MANBAL: variants seen among roughly 807,000 people sequenced by gnomAD.
MANBAL encodes mannosidase beta like, also known as protein MANBAL.
In MANBAL, 1 loss-of-function variant was observed where a neutral mutation model predicts 6.4. That is an observed-to-expected ratio of 0.16 (90% CI 0.06 to 0.74). The LOEUF is 0.74. Among genes scored for constraint, MANBAL ranks in the 30% least tolerant of loss-of-function variants. The pLI, the probability that MANBAL is intolerant of heterozygous loss-of-function variation, is 0.78. For synonymous variants in MANBAL, 47 were observed against 45.8 expected, an observed-to-expected ratio of 1.03 and a Z score of -0.10; for missense variants, 100 against 107.8, an observed-to-expected ratio of 0.93 and a Z score of 0.32.
At chr20:37,310,818 C>T (rs566432481) in intron 2 of MANBAL, among the ~76,000 whole-genome samples, 1 of 152,314 alleles carries the variant, frequency 6.6e-6, no homozygotes, top group Admixed American at 6.5e-5. Context: ...AAACTTGAGG[C>T]TCGCTTGAGA....
At chr20:37,289,958 T>C (rs2068826804) in intron 1 of MANBAL, among the ~76,000 whole-genome samples, 1 of 152,224 alleles carries the variant, frequency 6.6e-6, no homozygotes, top group African/African-American at 2.4e-5. Context: ...CCTCATGGCC[T>C]GGTCCGGGCC....
chr20:37,301,047 G>A (rs1363705691), intron 1 of MANBAL, 161 bp from the exon 2 acceptor site: 6 of 277,094 alleles, frequency 2.2e-5, no homozygotes, highest in African/African-American at 6.6e-5. Flanking sequence ...GGAGGCCAAG[G>A]CAAGAGAATC....
chr20:37,291,819 T>C (rs946932408), intron 1 of MANBAL, among the ~76,000 whole-genome samples: 8 of 152,220 alleles, frequency 5.3e-5, no homozygotes, highest in African/African-American at 1.7e-4. Flanking sequence ...TGCTGTCACA[T>C]AAGACATGCC....
At chr20:37,300,914 G>A (rs988208090) in intron 1 of MANBAL, among the ~76,000 whole-genome samples, 5 of 151,912 alleles carry the variant, frequency 3.3e-5, no homozygotes, top group African/African-American at 7.3e-5. Context: ...AGGCTGAGGC[G>A]GGCAGATCAC....
intron 1 of MANBAL, among the ~76,000 whole-genome samples, chr20:37,291,591 G>A (rs2068871121): frequency 6.6e-6 from 1 of 152,130 alleles, no homozygotes; most frequent in African/African-American, 2.4e-5. Flanking sequence ...ATGGGTTTTT[G>A]GGGAGGAGGA....
At position 37,301,413 on chromosome 20, in the gene MANBAL, G is replaced by T; in HGVS notation, c.150G>T (p.Ala50=). ...IIVPIPKSHE[A]EAEPSEPRSA... Reference sequence around the variant, plus strand: ...TACCCATTCCCAAGTCCCACGAGGCGGTGAGTTTTTCCCTGGGAGCCTCAG... The same window carrying T: ...TACCCATTCCCAAGTCCCACGAGGCTGTGAGTTTTTCCCTGGGAGCCTCAG... The change falls in exon 2 of 3, where the codon GCG becomes GCT. Residue 50 remains alanine (A), a splice_region_variant and synonymous_variant. Transcript: ENST00000373606. The T allele has an allele frequency of 6.2e-7, 1 of 1,610,238 alleles. No individual in the cohort carries two copies.
At chr20:37,293,392 C>T (rs960278093) in intron 1 of MANBAL, among the ~76,000 whole-genome samples, 1 of 152,176 alleles carries the variant, frequency 6.6e-6, no homozygotes, top group African/African-American at 2.4e-5. Flanking sequence ...CTCACATGCA[C>T]AGTTCACAAT....
chr20:37,301,637 C>G (rs2069139200), intron 2 of MANBAL, among the ~76,000 whole-genome samples: 1 of 152,228 alleles, frequency 6.6e-6, no homozygotes, highest in South Asian at 2.1e-4. Context: ...ACATTTCAGA[C>G]TCTGCTGAAG....
intron 1 of MANBAL, chr20:37,298,641 C>G (rs2069057947): frequency 6.6e-6 from 1 of 152,060 alleles, no homozygotes; most frequent in Non-Finnish European, 1.5e-5. Context: ...TTTTGCTTAT[C>G]CATTCATCTG....
At chr20:37,302,804 GT>G (rs1382877401) in intron 2 of MANBAL, among the ~76,000 whole-genome samples, 4 of 149,750 alleles carry the variant, frequency 2.7e-5, no homozygotes, top group African/African-American at 9.8e-5. Context: ...CCATTAATTT[GT>G]TTTTTATGTT....
intron 1 of MANBAL, among the ~76,000 whole-genome samples, chr20:37,292,277 C>A (rs944904668): frequency 6.6e-6 from 1 of 152,130 alleles, no homozygotes; most frequent in African/African-American, 2.4e-5. Context: ...CTTACAGAGT[C>A]ATATATTTGT....
intron 2 of MANBAL, among the ~76,000 whole-genome samples, chr20:37,304,977 G>C: frequency 6.6e-6 from 1 of 152,258 alleles, no homozygotes; most frequent in African/African-American, 2.4e-5. Context: ...CTAGGCCAGA[G>C]CTGGAGGGGC....
intron 2 of MANBAL, among the ~76,000 whole-genome samples, chr20:37,315,641 G>A (rs975907814): frequency 6.6e-6 from 1 of 152,234 alleles, no homozygotes; most frequent in Non-Finnish European, 1.5e-5. Flanking sequence ...GTCGCCCAGG[G>A]AGTCTGGAAT....
In MANBAL at chr20:37,316,835, C is replaced by G. The variant is rs1043415; in HGVS notation, c.*420C>G. On this transcript the variant is annotated 3_prime_UTR_variant, in exon 3 of 3. Transcript: ENST00000373606. ...ATTATTTGTGCACTACAGATCTCCT[C>G]CTGATCAGTCACCTTTGTTGCTGCT... 0.65 allele frequency: 105,685 copies of G among 163,782 alleles called. 36,744 individuals are homozygous for G. Among genetic ancestry groups the G allele is most frequent in the African/African-American group, 0.89 (37,031 of 41,600 alleles). 10.1% of individuals were successfully genotyped at this position (163,782 alleles called of 1,614,324 possible). A position where few individuals can be genotyped will look rare whatever the true frequency, so the allele number is the denominator to read the frequency against.
chr20:37,292,117 G>C (rs925198303), intron 1 of MANBAL, among the ~76,000 whole-genome samples: 3 of 152,114 alleles, frequency 2.0e-5, no homozygotes, highest in Admixed American at 1.3e-4. Flanking sequence ...TTTTCCTCCT[G>C]CACTTTCCGC....
intron 2 of MANBAL, chr20:37,302,450 T>A (rs1191575906): frequency 1.7e-6 from 2 of 1,149,368 alleles, no homozygotes; most frequent in Admixed American, 5.1e-5. Context: ...TATCAGCTGA[T>A]CCCTCCATTA....
intron 2 of MANBAL, among the ~76,000 whole-genome samples, chr20:37,311,958 G>A (rs1183089473): frequency 1.3e-5 from 2 of 152,244 alleles, no homozygotes; most frequent in African/African-American, 4.8e-5. Context: ...AGAGGGGACT[G>A]GCTGGGTCTA....
intron 1 of MANBAL, among the ~76,000 whole-genome samples, chr20:37,294,018 C>G (rs2068934799): frequency 6.6e-6 from 1 of 152,222 alleles, no homozygotes; most frequent in South Asian, 2.1e-4. Flanking sequence ...AACTGCCGGG[C>G]TCAAGCAATC....
intron 2 of MANBAL, among the ~76,000 whole-genome samples, chr20:37,314,997 C>T (rs1214704804): frequency 2.6e-5 from 4 of 152,146 alleles, no homozygotes; most frequent in Non-Finnish European, 4.4e-5. Context: ...GTCCCCCCTC[C>T]CAGGAGTCTT....
Sources: allele counts gnomAD v4.1 joint callset (sites outside exome capture counted in the v4.1 genomes callset), GRCh38; gene constraint gnomAD v4.1.1; transcripts MANE v1.5; gene names NCBI Gene and HGNC (gene_info 2026-07-23, HGNC 2026-07-21).